EXT2: variants seen among roughly 807,000 people sequenced by gnomAD.
The protein encoded by EXT2 is exostosin-2.
In EXT2, 53 loss-of-function variants were observed where a neutral mutation model predicts 81.6. The ratio of observed to expected loss-of-function variants is 0.65; its 90% CI spans 0.52 to 0.82. EXT2 has a LOEUF of 0.82. EXT2 is among the 40% of genes least tolerant of loss of function. The probability of loss-of-function intolerance (pLI) is 0.00; values close to 1 mark genes in which losing one functional copy is unlikely to be tolerated. For synonymous variants in EXT2, 320 were observed against 340.0 expected, an observed-to-expected ratio of 0.94 and a Z score of 0.65; for missense variants, 774 against 910.2, an observed-to-expected ratio of 0.85 and a Z score of 1.93.
chr11:44,143,512 A>C (rs1954673836), intron 7 of EXT2, among the ~76,000 whole-genome samples: 1 of 152,166 alleles, frequency 6.6e-6, no homozygotes, highest in African/African-American at 2.4e-5. Context: ...CCTTCAGATG[A>C]GAAGGGGCAA....
chr11:44,115,486 A>G (rs11825970), intron 4 of EXT2, among the ~76,000 whole-genome samples: 4,448 of 152,206 alleles, frequency 0.029, 248 homozygotes, highest in African/African-American at 0.1. Flanking sequence ...TCTGTAGTCT[A>G]TGTAAAAATT....
At chr11:44,099,308 C>T (rs1953949346) in intron 1 of EXT2, among the ~76,000 whole-genome samples, 1 of 152,214 alleles carries the variant, frequency 6.6e-6, no homozygotes, top group African/African-American at 2.4e-5. Flanking sequence ...GCCTCAGCCT[C>T]CTGAGTAGCT....
At chr11:44,127,750 G>A (rs189544037) in intron 6 of EXT2, among the ~76,000 whole-genome samples, 12 of 152,192 alleles carry the variant, frequency 7.9e-5, no homozygotes, top group Non-Finnish European at 1.3e-4. Flanking sequence ...GAATGTTAAA[G>A]CTCCCAGGTG....
chr11:44,211,266 C>A (rs1001940692), intron 10 of EXT2, among the ~76,000 whole-genome samples: 1 of 152,142 alleles, frequency 6.6e-6, no homozygotes, highest in Non-Finnish European at 1.5e-5. Context: ...TCCAGCAACC[C>A]CACTTGTGGG....
intron 9 of EXT2, among the ~76,000 whole-genome samples, chr11:44,204,465 C>G (rs1419471749): frequency 6.6e-6 from 1 of 152,054 alleles, no homozygotes; most frequent in Non-Finnish European, 1.5e-5. Context: ...GATTCTGAGA[C>G]CAAAAATTTT....
At chr11:44,153,775 A>AT (rs1425948814) in intron 7 of EXT2, among the ~76,000 whole-genome samples, 1 of 151,832 alleles carries the variant, frequency 6.6e-6, no homozygotes, top group African/African-American at 2.4e-5. Flanking sequence ...GTGCTCTTGG[A>AT]TTTTTTTCTC....
chr11:44,224,229 A>T (rs898490484), intron 10 of EXT2, among the ~76,000 whole-genome samples: 1 of 152,056 alleles, frequency 6.6e-6, no homozygotes, highest in Non-Finnish European at 1.5e-5. Flanking sequence ...AAATAAGAAC[A>T]CTCAAATCTC....
In EXT2 at chr11:44,247,448, C is replaced by T. The variant is rs2135289822; in HGVS notation, c.*3161C>T. ...TGTAATTTTAGTAGAGGCAGGGTTT[C>T]ACCACGTTAGCCAGGCTGGTCTCGA... On this transcript the variant is annotated 3_prime_UTR_variant, in exon 14 of 14. Coordinates refer to ENST00000533608, the MANE Select transcript of EXT2 (RefSeq NM_207122.2). Among the ~76,000 whole-genome samples, 1 of 151,794 alleles carries T rather than the reference C, an allele frequency of 6.6e-6. No individual in the cohort carries two copies. The highest frequency in any genetic ancestry group is 1.5e-5 in the Non-Finnish European group (1 of 67,878).
chr11:44,230,786 C>G (rs1172622510), intron 10 of EXT2, among the ~76,000 whole-genome samples: 1 of 152,162 alleles, frequency 6.6e-6, no homozygotes, highest in Admixed American at 6.5e-5. Flanking sequence ...AGACTAGTTT[C>G]TGATCTAAGC....
At chr11:44,187,448 CT>C (rs1393794436) in intron 8 of EXT2, among the ~76,000 whole-genome samples, 1 of 151,970 alleles carries the variant, frequency 6.6e-6, no homozygotes, top group Non-Finnish European at 1.5e-5. Context: ...TCCTCCCACC[CT>C]GGCAAGTTTC....
At chr11:44,164,240 G>A (rs1954963680) in intron 7 of EXT2, among the ~76,000 whole-genome samples, 1 of 151,914 alleles carries the variant, frequency 6.6e-6, no homozygotes, top group Non-Finnish European at 1.5e-5. Flanking sequence ...ATTCCCATAT[G>A]TTCCTGCGAG....
chr11:44,145,767 T>C (rs1386549823), intron 7 of EXT2, among the ~76,000 whole-genome samples: 1 of 152,234 alleles, frequency 6.6e-6, no homozygotes, highest in Non-Finnish European at 1.5e-5. Flanking sequence ...TTTATAAAGC[T>C]CTCTTTTGTC....
intron 8 of EXT2, among the ~76,000 whole-genome samples, chr11:44,176,367 C>T (rs1955158472): frequency 6.6e-6 from 1 of 152,040 alleles, no homozygotes; most frequent in East Asian, 1.9e-4. Flanking sequence ...TGTTTTAATT[C>T]AGGACAGAAT....
intron 7 of EXT2, among the ~76,000 whole-genome samples, chr11:44,148,712 T>C (rs550062028): frequency 6.6e-6 from 1 of 152,202 alleles, no homozygotes; most frequent in African/African-American, 2.4e-5. Context: ...TTTGTTCGGG[T>C]ATAGTTCTGA....
At chr11:44,139,012 A>G (rs1243510148) in intron 7 of EXT2, among the ~76,000 whole-genome samples, 1 of 151,860 alleles carries the variant, frequency 6.6e-6, no homozygotes, top group Non-Finnish European at 1.5e-5. Context: ...CTACTGATGT[A>G]TTATGCATTT....
chr11:44,232,413 C>T lies in EXT2; in HGVS notation c.1723C>T (p.His575Tyr). Residue 575 changes from histidine (H) to tyrosine (Y), a missense_variant, in exon 11 of 14, where the codon CAT becomes TAT. Physicochemically the swap from His to Tyr is moderately conservative, Grantham distance 83. Coordinates refer to ENST00000533608, the MANE Select transcript of EXT2 (RefSeq NM_207122.2). The stretch of plus-strand genomic sequence containing the variant: ...CCCGGGTCGTCTGCATCTCTGGGAC[C>T]ATGAGATGAATAAGTGGAAGTATGA... ...GYPGRLHLWD[H>Y]EMNKWKYESE... 6.2e-7 allele frequency: 1 copy of T among 1,614,032 alleles called. No homozygotes were observed. Among genetic ancestry groups the T allele is most frequent in the East Asian group, 2.2e-5 (1 of 44,886 alleles).
chr11:44,119,678 C>T (rs1954288741), intron 4 of EXT2, among the ~76,000 whole-genome samples: 1 of 152,234 alleles, frequency 6.6e-6, no homozygotes, highest in Non-Finnish European at 1.5e-5. Context: ...GAACCCTCTC[C>T]AAATCCAAGT....
intron 7 of EXT2, among the ~76,000 whole-genome samples, chr11:44,162,080 C>G (rs1299491720): frequency 3.3e-5 from 5 of 152,046 alleles, no homozygotes; most frequent in African/African-American, 1.2e-4. Flanking sequence ...AACTGGGAAT[C>G]TGGAGAAGAA....
At position 44,125,020 on chromosome 11, in the gene EXT2, G is replaced by T. The variant is rs112002470; in HGVS notation, c.939+36G>T. 4,651 of 1,603,978 alleles carry T rather than the reference G, an allele frequency of 2.9e-3. 111 individuals carry two copies. In the African/African-American group the frequency reaches 0.055, roughly 19 times the overall value. On this transcript the variant is annotated intron_variant, in intron 5 of 13. Coordinates refer to ENST00000533608, the MANE Select transcript of EXT2 (RefSeq NM_207122.2). Reference sequence around the variant, plus strand: ...TTCATTACCTCTCGCAAAGGCTCAGGAGAGTTTGCTTACATGGGTTAAAAT... The same window carrying T: ...TTCATTACCTCTCGCAAAGGCTCAGTAGAGTTTGCTTACATGGGTTAAAAT...
Sources: gnomAD v4.1 joint callset for allele counts (sites outside exome capture counted in the v4.1 genomes callset) on GRCh38, gnomAD v4.1.1 for gene constraint, MANE v1.5 for transcripts, NCBI Gene and HGNC (gene_info 2026-07-23, HGNC 2026-07-21) for gene names.